MIGA1: variants seen among roughly 807,000 people sequenced by gnomAD.
MIGA1 encodes family with sequence similarity 73, member A.
Under a neutral mutation model 82.0 loss-of-function variants are expected in MIGA1, and 58 were observed. That is an observed-to-expected ratio of 0.71 (90% CI 0.57 to 0.88). The LOEUF is 0.88. Ranked by LOEUF, MIGA1 falls within the 40% of genes least tolerant of loss-of-function variation. The pLI is 0.00. For missense variants in MIGA1, 751 were observed against 749.1 expected, an observed-to-expected ratio of 1.00 and a Z score of -0.03; for synonymous variants, 249 against 253.6, an observed-to-expected ratio of 0.98 and a Z score of 0.17.
At chr1:77,783,510 G>A (rs1682013290) in intron 2 of MIGA1, among the ~76,000 whole-genome samples, 159 bp downstream of exon 2, 1 of 151,990 alleles carries the variant, frequency 6.6e-6, no homozygotes, top group Admixed American at 6.6e-5. Context: ...ACGGGTTTTT[G>A]TTTTTGGTTT....
At chr1:77,840,304 T>G (rs1684582062) in intron 7 of MIGA1, among the ~76,000 whole-genome samples, 2 of 152,186 alleles carry the variant, frequency 1.3e-5, no homozygotes, top group African/African-American at 4.8e-5. Context: ...TTTTCTTTGT[T>G]AGATTTTTTA....
At chr1:77,819,041 C>T (rs1368901027) in intron 7 of MIGA1, among the ~76,000 whole-genome samples, 1 of 147,554 alleles carries the variant, frequency 6.8e-6, no homozygotes, top group Non-Finnish European at 1.5e-5. Flanking sequence ...GATGGTGTCA[C>T]TGCACTCCAG....
chr1:77,832,880 G>C (rs1684292903), intron 7 of MIGA1, among the ~76,000 whole-genome samples: 1 of 152,136 alleles, frequency 6.6e-6, no homozygotes, highest in Non-Finnish European at 1.5e-5. Flanking sequence ...CATTTTTGTT[G>C]CTGCTCCTTT....
At chr1:77,831,371 ATGTT>A (rs1394061167) in intron 7 of MIGA1, among the ~76,000 whole-genome samples, 1 of 152,134 alleles carries the variant, frequency 6.6e-6, no homozygotes, top group Non-Finnish European at 1.5e-5. Flanking sequence ...AAATGCAAAA[ATGTT>A]TGTTTTATTA....
At position 77,813,871 on chromosome 1, in the gene MIGA1, AG is replaced by A. The variant is rs1400781219; in HGVS notation, c.771+7del. ...CATTGCTGAAGAAAATGTAGATGTAAGGGTGATTGATTTGAGTGGTCTTCAT... is the reference window on the plus strand; with the variant it reads ...CATTGCTGAAGAAAATGTAGATGTAAGGTGATTGATTTGAGTGGTCTTCAT... On this transcript the variant is annotated splice_donor_5th_base_variant and intron_variant, in intron 6 of 15. Transcript: ENST00000370791. 6.2e-7 allele frequency: 1 copy of A among 1,612,858 alleles called. No individual in the cohort carries two copies. The highest frequency in any genetic ancestry group is 1.1e-5 in the South Asian group (1 of 90,890).
chr1:77,853,785 T>C, intron 8 of MIGA1: 1 of 279,180 alleles, frequency 3.6e-6, no homozygotes, highest in South Asian at 4.7e-5. Flanking sequence ...GTAATAGCTG[T>C]TGCTGTTGGA....
chr1:77,856,484 C>A (rs1185643973), intron 8 of MIGA1, among the ~76,000 whole-genome samples: 1 of 152,008 alleles, frequency 6.6e-6, no homozygotes, highest in African/African-American at 2.4e-5. Context: ...ATAGAATTCT[C>A]CTGTGAATCC....
intron 2 of MIGA1, among the ~76,000 whole-genome samples, chr1:77,788,536 G>T (rs1215635059): frequency 1.3e-5 from 2 of 152,082 alleles, no homozygotes; most frequent in African/African-American, 4.8e-5. Context: ...TGTTGCCTGT[G>T]TCTTCATTGT....
chr1:77,829,256 CA>C (rs1373630422), intron 7 of MIGA1, among the ~76,000 whole-genome samples: 1 of 151,902 alleles, frequency 6.6e-6, no homozygotes, highest in African/African-American at 2.4e-5. Flanking sequence ...CCTGTCTCTA[CA>C]AAAAAATAAG....
chr1:77,875,099 G>A lies in MIGA1; in HGVS notation c.*35G>A. The A allele has an allele frequency of 6.7e-7, 1 of 1,502,142 alleles. No homozygotes were observed. The highest frequency in any genetic ancestry group is 2.3e-5 in the East Asian group (1 of 44,016). The allele number at this position is 1,502,142 out of a possible 1,614,324, so 93.1% of individuals were successfully genotyped here. Reference sequence around the variant, plus strand: ...GAATCATACAATTTGAGTGTGCTATGAAATATTTTAAGGTAACTATTGATT... The same window carrying A: ...GAATCATACAATTTGAGTGTGCTATAAAATATTTTAAGGTAACTATTGATT... On this transcript the variant is annotated 3_prime_UTR_variant, in exon 16 of 16. Coordinates refer to ENST00000370791, the MANE Select transcript of MIGA1 (RefSeq NM_198549.4).
At chr1:77,860,518 T>C (rs1685421628) in intron 11 of MIGA1, 1 of 161,554 alleles carries the variant, frequency 6.2e-6, no homozygotes, top group East Asian at 1.8e-4. Context: ...TGTAGTTGAA[T>C]GAGGCAGAAG....
intron 7 of MIGA1, among the ~76,000 whole-genome samples, chr1:77,824,051 C>A (rs989950274): frequency 2.6e-5 from 4 of 152,026 alleles, no homozygotes; most frequent in African/African-American, 9.7e-5. Context: ...ATCCAAGAAG[C>A]CATTAAATAT....
At chr1:77,869,954 G>C (rs61778861) in intron 14 of MIGA1, among the ~76,000 whole-genome samples, 77 of 134,136 alleles carry the variant, frequency 5.7e-4, no homozygotes, top group African/African-American at 2.1e-3. Context: ...GCGGCTGGCC[G>C]GGCGGGGGGC....
chr1:77,844,931 A>G (rs1038514362), intron 8 of MIGA1, among the ~76,000 whole-genome samples: 1 of 152,158 alleles, frequency 6.6e-6, no homozygotes, highest in African/African-American at 2.4e-5. Flanking sequence ...GCAGTGTGCC[A>G]AGATCGCACC....
Position 77,874,948 on chromosome 1 carries a change from C to A in MIGA1, c.1783C>A (p.Arg595Ser), listed in dbSNP as rs376057702. The change falls in exon 16 of 16, where the codon CGC (arginine) becomes AGC (serine). Residue 595 changes from arginine to serine, a missense_variant. Coordinates refer to ENST00000370791, the MANE Select transcript of MIGA1 (RefSeq NM_198549.4). ...AGACCTCATGCAGTTACTCATTCGC[C>A]GCACTGAGCTTTTAATGGCCTATCT... is the stretch of plus-strand genomic sequence containing the variant. 11 of 1,614,048 alleles carry A rather than the reference C, an allele frequency of 6.8e-6. No individual in the cohort carries two copies. In the East Asian group the frequency reaches 8.9e-5, roughly 13 times the overall value.
chr1:77,801,334 A>G lies in MIGA1; in HGVS notation c.199A>G (p.Lys67Glu). Residue 67 changes from lysine (K) to glutamate (E), a missense_variant, in exon 3 of 16, where the codon AAA becomes GAA. Lys to Glu is a moderately conservative substitution (Grantham distance 56). Transcript: ENST00000370791. ...ATTTTAACTGAATCTTTTCCAGATC[A>G]AATTTTCTCCGGTGGCTAAAAAGTT... The G allele has an allele frequency of 6.5e-7, 1 of 1,549,194 alleles. No homozygotes were observed. The highest frequency in any genetic ancestry group is 1.2e-5 in the South Asian group (1 of 80,346).
chr1:77,853,761 T>C, intron 8 of MIGA1: 1 of 321,890 alleles, frequency 3.1e-6, no homozygotes. Flanking sequence ...CAAGGAAAAG[T>C]ATTGCAAGCA....
In MIGA1 at chr1:77,801,399, T is replaced by C; in HGVS notation, c.264T>C (p.Phe88=). The C allele has an allele frequency of 6.2e-7, 1 of 1,607,464 alleles. No individual in the cohort carries two copies. The highest frequency in any genetic ancestry group is 8.5e-7 in the Non-Finnish European group (1 of 1,178,862). ...CAGTGAGTGCTATATCTGTAATTTT[T>C]CTGGCTCATCACTTTAAAAGAAAAC... Residue 88 remains phenylalanine (F), a synonymous_variant, in exon 3 of 16, where the codon TTT becomes TTC. Coordinates refer to ENST00000370791, the MANE Select transcript of MIGA1 (RefSeq NM_198549.4).
chr1:77,839,000 C>A (rs566561889), intron 7 of MIGA1, among the ~76,000 whole-genome samples: 3 of 152,180 alleles, frequency 2.0e-5, no homozygotes, highest in South Asian at 2.1e-4. Context: ...CATTTGGTTT[C>A]TTTTCCAGTT....
Sources: gnomAD v4.1 joint callset for allele counts (sites outside exome capture counted in the v4.1 genomes callset) on GRCh38, gnomAD v4.1.1 for gene constraint, MANE v1.5 for transcripts, NCBI Gene and HGNC (gene_info 2026-07-23, HGNC 2026-07-21) for gene names.